The following YPEL2 variants were observed in gnomAD, a reference collection of about 807,000 sequenced individuals.
YPEL2 encodes yippee like 2.
A neutral mutation model predicts 19.1 loss-of-function variants in YPEL2; 2 were observed. That is an observed-to-expected ratio of 0.10 (90% confidence interval 0.04 to 0.33). The LOEUF is 0.33. Among genes scored for constraint, YPEL2 ranks in the 10% least tolerant of loss-of-function variants. The pLI, the probability that YPEL2 is intolerant of heterozygous loss-of-function variation, is 1.00. For synonymous variants in YPEL2, 52 were observed against 50.0 expected, an observed-to-expected ratio of 1.04 and a Z score of -0.17; for missense variants, 66 against 140.7, an observed-to-expected ratio of 0.47 and a Z score of 2.68.
chr17:59,352,454 G>T (rs968647636), intron 1 of YPEL2, among the ~76,000 whole-genome samples: 1 of 152,194 alleles, frequency 6.6e-6, no homozygotes, highest in Admixed American at 6.5e-5. Context: ...TATGGGATGA[G>T]TAATGGAAAG....
intron 2 of YPEL2, among the ~76,000 whole-genome samples, chr17:59,375,588 A>G (rs1207879881): frequency 6.6e-6 from 1 of 152,226 alleles, no homozygotes; most frequent in African/African-American, 2.4e-5. Flanking sequence ...ATTTAATATT[A>G]TCCGTTCACT....
chr17:59,336,324 T>A (rs1292177703), intron 1 of YPEL2, among the ~76,000 whole-genome samples: 1 of 152,242 alleles, frequency 6.6e-6, no homozygotes, highest in Non-Finnish European at 1.5e-5. Flanking sequence ...ATTGTTATTT[T>A]GTTGTCATTA....
chr17:59,393,768 G>T (rs924702247), intron 4 of YPEL2, among the ~76,000 whole-genome samples: 5 of 149,492 alleles, frequency 3.3e-5, no homozygotes, highest in African/African-American at 1.2e-4. Context: ...ATCTTGCACC[G>T]CCCTTAATCC....
chr17:59,352,288 A>G (rs1476294216), intron 1 of YPEL2, among the ~76,000 whole-genome samples: 1 of 152,204 alleles, frequency 6.6e-6, no homozygotes, highest in Admixed American at 6.5e-5. Context: ...GGTGAGCCAC[A>G]GAGAAGCAGA....
In YPEL2 at chr17:59,340,606, G is replaced by A. The variant is rs538756777; in HGVS notation, c.-196+8782G>A. On this transcript the variant is annotated intron_variant, in intron 1 of 4. Coordinates refer to ENST00000312655, the MANE Select transcript of YPEL2 (RefSeq NM_001005404.4). ...AATTTTTTATACTTTCAGTAGAGAC[G>A]GGGTTTCACCGTGTTAGCCAGGATG... 1.5e-4 allele frequency among the ~76,000 whole-genome samples: 22 copies of A among 151,412 alleles called. No individual in the cohort carries two copies. The South Asian group carries it at 4.4e-3, about 30-fold the overall frequency.
At chr17:59,341,101 G>T (rs1333085830) in intron 1 of YPEL2, among the ~76,000 whole-genome samples, 1 of 147,776 alleles carries the variant, frequency 6.8e-6, no homozygotes, top group Admixed American at 6.7e-5. Flanking sequence ...GAGGCGGGCA[G>T]ATAGCCTGAG....
rs558465823 is a variant in YPEL2, at chr17:59,349,554, C to A, written c.-195-3661C>A. On this transcript the variant is annotated intron_variant, in intron 1 of 4. Transcript: ENST00000312655. ...TGGAAACAGGGTTTCACCATGTTGGCCAGGCTGGTCTCAAACTCCTGACCT... is the reference window on the plus strand; with the variant it reads ...TGGAAACAGGGTTTCACCATGTTGGACAGGCTGGTCTCAAACTCCTGACCT... Among the ~76,000 whole-genome samples, 418 of 152,000 alleles carry A rather than the reference C, an allele frequency of 2.7e-3. 1 individual carries two copies. Among genetic ancestry groups the A allele is most frequent in the Non-Finnish European group, 4.2e-3 (283 of 67,960 alleles).
intron 4 of YPEL2, among the ~76,000 whole-genome samples, chr17:59,391,922 A>C (rs149667874): frequency 7.0e-6 from 1 of 142,428 alleles, no homozygotes; most frequent in East Asian, 2.1e-4. Flanking sequence ...AAAAAAAAAA[A>C]CCTAGATAGT....
chr17:59,372,188 G>C (rs1185907369), intron 2 of YPEL2, among the ~76,000 whole-genome samples: 1 of 152,158 alleles, frequency 6.6e-6, no homozygotes, highest in Non-Finnish European at 1.5e-5. Context: ...GTACAGAAAG[G>C]TAGCAATTAA....
chr17:59,356,730 G>A (rs2047814703), intron 2 of YPEL2, among the ~76,000 whole-genome samples: 1 of 152,238 alleles, frequency 6.6e-6, no homozygotes, highest in Admixed American at 6.5e-5. Context: ...TGGAGGCTGG[G>A]AAGTCCAAGT....
Position 59,386,175 on chromosome 17 carries a change from T to A in YPEL2, c.118-2152T>A, listed in dbSNP as rs62996760. Among the ~76,000 whole-genome samples, 16 of 136,054 alleles carry A rather than the reference T, an allele frequency of 1.2e-4. 1 individual carries two copies. Among genetic ancestry groups the A allele is most frequent in the Admixed American group, 5.1e-4 (7 of 13,618 alleles). 89.3% of individuals were successfully genotyped at this position (136,054 alleles called of 152,430 possible). ...CTGTCTCTATAAATTTTTTTTTTTTTAAATAGCTGGTTATGGTGGTATGCA... is the reference window on the plus strand; with the variant it reads ...CTGTCTCTATAAATTTTTTTTTTTTAAAATAGCTGGTTATGGTGGTATGCA... On this transcript the variant is annotated intron_variant, in intron 2 of 4. Coordinates refer to ENST00000312655, the MANE Select transcript of YPEL2 (RefSeq NM_001005404.4).
intron 1 of YPEL2, among the ~76,000 whole-genome samples, chr17:59,343,097 C>CT (rs1461063625): frequency 6.6e-6 from 1 of 152,204 alleles, no homozygotes; most frequent in Admixed American, 6.5e-5. Flanking sequence ...GTTTCATACT[C>CT]TATCTGCTGG....
intron 2 of YPEL2, among the ~76,000 whole-genome samples, chr17:59,370,680 C>A (rs550456209): frequency 3.3e-4 from 51 of 152,298 alleles, no homozygotes; most frequent in South Asian, 4.1e-4. Flanking sequence ...CATGGCACCC[C>A]AGATTGCTTC....
intron 1 of YPEL2, among the ~76,000 whole-genome samples, chr17:59,334,606 A>ACACACACACACG (rs1491010623): frequency 6.8e-6 from 1 of 146,444 alleles, no homozygotes; most frequent in African/African-American, 2.5e-5. Flanking sequence ...ACACACACAC[A>ACACACACACACG]CGCCTGATGC....
chr17:59,351,762 C>A (rs1008171095), intron 1 of YPEL2, among the ~76,000 whole-genome samples: 37 of 152,164 alleles, frequency 2.4e-4, no homozygotes, highest in African/African-American at 8.5e-4. Flanking sequence ...GGTCTGAATC[C>A]CTTCAACAGT....
At chr17:59,395,430 A>G (rs1476504156) in intron 4 of YPEL2, among the ~76,000 whole-genome samples, 1 of 152,156 alleles carries the variant, frequency 6.6e-6, no homozygotes, top group African/African-American at 2.4e-5. Flanking sequence ...GCTTGTGCAT[A>G]TGGAGCTGAG....
At chr17:59,391,545 C>T (rs900188295) in intron 4 of YPEL2, among the ~76,000 whole-genome samples, 2 of 151,960 alleles carry the variant, frequency 1.3e-5, no homozygotes, top group Admixed American at 1.3e-4. Flanking sequence ...CAGGTGGAGC[C>T]TGGTAGCACT....
chr17:59,358,260 T>A (rs1410270836), intron 2 of YPEL2, among the ~76,000 whole-genome samples: 2 of 152,198 alleles, frequency 1.3e-5, no homozygotes, highest in African/African-American at 2.4e-5. Flanking sequence ...TTTTATTCCC[T>A]ATGGGGTTCC....
At chr17:59,365,506 G>C (rs1366923629) in intron 2 of YPEL2, among the ~76,000 whole-genome samples, 1 of 152,224 alleles carries the variant, frequency 6.6e-6, no homozygotes. Flanking sequence ...TGGAAGAGAA[G>C]TCCCTGGCCT....
Sources: gnomAD v4.1 joint callset for allele counts (sites outside exome capture counted in the v4.1 genomes callset) on GRCh38, gnomAD v4.1.1 for gene constraint, MANE v1.5 for transcripts, NCBI Gene and HGNC (gene_info 2026-07-23, HGNC 2026-07-21) for gene names.